Variants in GALNT13 observed in about 807,000 individuals in gnomAD.
The protein encoded by GALNT13 is polypeptide N-acetylgalactosaminyltransferase 13, also known as UDP-GalNAc:polypeptide N-acetylgalactosaminyltransferase 13.
In GALNT13, 28 loss-of-function variants were observed where a neutral mutation model predicts 64.2. The observed-to-expected ratio is 0.44, with a 90% CI of 0.32 to 0.60. The LOEUF (loss-of-function observed/expected upper bound fraction) is 0.60, where lower values mean the gene tolerates loss of function less well. Among genes scored for constraint, GALNT13 ranks in the 20% least tolerant of loss-of-function variants. The pLI is 0.05. For synonymous variants in GALNT13, 214 were observed against 224.6 expected, an observed-to-expected ratio of 0.95 and a Z score of 0.42; for missense variants, 577 against 669.8, an observed-to-expected ratio of 0.86 and a Z score of 1.53.
the GALNT13 span, among the ~76,000 whole-genome samples, chr2:153,729,103 A>G: frequency 6.6e-6 from 1 of 152,180 alleles, no homozygotes; most frequent in Non-Finnish European, 1.5e-5. Context: ...GTTCTCCGCA[A>G]TAGAAAAAGA....
intron 1 of GALNT13, among the ~76,000 whole-genome samples, chr2:153,889,783 G>T (rs1033486060): frequency 6.6e-6 from 1 of 151,986 alleles, no homozygotes; most frequent in Non-Finnish European, 1.5e-5. Flanking sequence ...GTGATTTTGA[G>T]ATCTACATAG....
At chr2:153,341,272 T>C in the GALNT13 span, among the ~76,000 whole-genome samples, 2 of 152,234 alleles carry the variant, frequency 1.3e-5, no homozygotes, top group African/African-American at 4.8e-5. Context: ...ATGGGAGTTA[T>C]TGCCATAGGA....
At chr2:153,865,425 A>G in the GALNT13 span, among the ~76,000 whole-genome samples, 3 of 145,028 alleles carry the variant, frequency 2.1e-5, no homozygotes, top group Admixed American at 7.1e-5. Flanking sequence ...ACAAAGGGCT[A>G]ATATCCAGAA....
chr2:153,698,286 A>G, the GALNT13 span, among the ~76,000 whole-genome samples: 145 of 152,330 alleles, frequency 9.5e-4, no homozygotes, highest in Middle Eastern at 3.4e-3. Context: ...CCCAATTAAA[A>G]GACACAGACC....
the GALNT13 span, among the ~76,000 whole-genome samples, chr2:153,170,712 A>G: frequency 1.3e-5 from 2 of 152,342 alleles, no homozygotes; most frequent in Admixed American, 6.5e-5. Flanking sequence ...TGAAGTTAAC[A>G]TTATCTAACA....
chr2:153,143,629 G>A, the GALNT13 span, among the ~76,000 whole-genome samples: 7 of 152,012 alleles, frequency 4.6e-5, no homozygotes, highest in African/African-American at 1.2e-4. Context: ...CTGCCAGATG[G>A]AAATAGTTTA....
the GALNT13 span, among the ~76,000 whole-genome samples, chr2:153,432,404 T>A: frequency 6.6e-6 from 1 of 152,016 alleles, no homozygotes; most frequent in African/African-American, 2.4e-5. Context: ...GAAGAAGGGG[T>A]TTAATTAACT....
At chr2:153,129,680 G>C in the GALNT13 span, among the ~76,000 whole-genome samples, 1 of 152,024 alleles carries the variant, frequency 6.6e-6, no homozygotes, top group African/African-American at 2.4e-5. Context: ...GGCTGAGGCA[G>C]AATTGCTTGA....
chr2:153,214,774 AAAAAT>A, the GALNT13 span, among the ~76,000 whole-genome samples: 3 of 152,174 alleles, frequency 2.0e-5, no homozygotes, highest in African/African-American at 7.2e-5. Context: ...CATTTAATAA[AAAAAT>A]AAGTAATCTG....
the GALNT13 span, among the ~76,000 whole-genome samples, chr2:153,221,321 G>A: frequency 1.9e-3 from 285 of 152,210 alleles, 3 homozygotes; most frequent in Non-Finnish European, 1.5e-3. Flanking sequence ...AATCGATGTT[G>A]TCAGTATGGT....
At chr2:154,116,573 G>A (rs6726125) in intron 3 of GALNT13, among the ~76,000 whole-genome samples, 1,913 of 152,102 alleles carry the variant, frequency 0.013, 40 homozygotes, top group African/African-American at 0.044. Flanking sequence ...ATTGTTTTTT[G>A]GTTCTCTACA....
the GALNT13 span, among the ~76,000 whole-genome samples, chr2:153,162,990 C>G: frequency 6.6e-6 from 1 of 152,094 alleles, no homozygotes; most frequent in Non-Finnish European, 1.5e-5. Context: ...TTTGAAAGGA[C>G]AGTGAGGCCA....
At chr2:154,151,249 T>G (rs75695296) in intron 4 of GALNT13, among the ~76,000 whole-genome samples, 1 of 152,136 alleles carries the variant, frequency 6.6e-6, no homozygotes, top group Non-Finnish European at 1.5e-5. Flanking sequence ...TTTGAGTGCG[T>G]TTTTTAATCC....
chr2:153,996,782 G>T (rs1224001618), intron 3 of GALNT13, among the ~76,000 whole-genome samples: 1 of 151,898 alleles, frequency 6.6e-6, no homozygotes, highest in Admixed American at 6.6e-5. Context: ...ATGCTTTTTT[G>T]TAATAGTTTT....
the GALNT13 span, among the ~76,000 whole-genome samples, chr2:153,617,040 C>G: frequency 6.6e-6 from 1 of 151,880 alleles, no homozygotes; most frequent in African/African-American, 2.4e-5. Context: ...GACAGATGTT[C>G]TGTAAGAAAT....
chr2:154,271,538 G>C (rs994932349), intron 8 of GALNT13, among the ~76,000 whole-genome samples: 1 of 151,900 alleles, frequency 6.6e-6, no homozygotes, highest in African/African-American at 2.4e-5. Flanking sequence ...TACCACATCT[G>C]TGGAATTAGA....
the GALNT13 span, among the ~76,000 whole-genome samples, chr2:153,744,295 A>G: frequency 6.6e-6 from 1 of 152,026 alleles, no homozygotes; most frequent in Non-Finnish European, 1.5e-5. Flanking sequence ...CTTCCTACCA[A>G]CAATGTGCAA....
intron 3 of GALNT13, among the ~76,000 whole-genome samples, chr2:154,014,006 A>T (rs1170944199): frequency 6.6e-6 from 1 of 152,174 alleles, no homozygotes; most frequent in Non-Finnish European, 1.5e-5. Flanking sequence ...GCTGCATTGC[A>T]AGCGGGAGTG....
At chr2:153,965,680 G>A (rs889575090) in intron 3 of GALNT13, among the ~76,000 whole-genome samples, 2 of 148,984 alleles carry the variant, frequency 1.3e-5, no homozygotes, top group Admixed American at 6.7e-5. Context: ...TTTGTTTTTT[G>A]TGTATCTATT....
Sources: gnomAD v4.1 joint callset for allele counts (sites outside exome capture counted in the v4.1 genomes callset) on GRCh38, gnomAD v4.1.1 for gene constraint, MANE v1.5 for transcripts, NCBI Gene and HGNC (gene_info 2026-07-23, HGNC 2026-07-21) for gene names.